Variants in OXR1 observed in about 807,000 individuals in gnomAD.
OXR1 encodes the protein oxidation resistance 1, also known as oxidation resistance protein 1.
OXR1 carries 41 observed loss-of-function variants against 104.6 expected under a neutral mutation model. The observed-to-expected ratio is 0.39, with a 90% CI of 0.31 to 0.51. The LOEUF is 0.51. Among genes scored for constraint, OXR1 ranks in the 20% least tolerant of loss-of-function variants. The pLI is 0.77. For missense variants in OXR1, 955 were observed against 1,031.9 expected (o/e 0.93, Z 1.02); for synonymous variants, 348 against 348.4 (o/e 1.00, Z 0.01).
intron 3 of OXR1, among the ~76,000 whole-genome samples, chr8:106,542,143 T>C (rs1389538847): frequency 6.6e-6 from 1 of 152,132 alleles, no homozygotes; most frequent in Non-Finnish European, 1.5e-5. Flanking sequence ...CACAATTATT[T>C]CACAATTTTA....
At chr8:106,356,043 G>A (rs1815954482) in intron 1 of OXR1, among the ~76,000 whole-genome samples, 1 of 152,170 alleles carries the variant, frequency 6.6e-6, no homozygotes, top group Admixed American at 6.5e-5. Context: ...GTGCTGGATT[G>A]AGCTTGCAGA....
chr8:106,546,331 G>T (rs1815357096), intron 3 of OXR1, among the ~76,000 whole-genome samples: 1 of 152,168 alleles, frequency 6.6e-6, no homozygotes, highest in African/African-American at 2.4e-5. Context: ...GGAGACTTCT[G>T]TCATTGCATT....
At chr8:106,596,867 G>C (rs1819566429) in intron 3 of OXR1, among the ~76,000 whole-genome samples, 1 of 151,888 alleles carries the variant, frequency 6.6e-6, no homozygotes, top group South Asian at 2.1e-4. Flanking sequence ...ATTGTGGCCA[G>C]CATGGTGAAA....
At chr8:106,532,510 A>C (rs546961295) in intron 3 of OXR1, among the ~76,000 whole-genome samples, 1 of 152,322 alleles carries the variant, frequency 6.6e-6, no homozygotes, top group Non-Finnish European at 1.5e-5. Flanking sequence ...AATTGCTTAA[A>C]TGATCCTGGC....
intron 11 of OXR1, among the ~76,000 whole-genome samples, chr8:106,732,949 T>C (rs991837470): frequency 6.6e-6 from 1 of 152,222 alleles, no homozygotes; most frequent in Non-Finnish European, 1.5e-5. Context: ...GTGGAGAGTT[T>C]GTATAATTTC....
intron 11 of OXR1, among the ~76,000 whole-genome samples, chr8:106,718,885 G>T (rs896161372): frequency 6.6e-6 from 1 of 151,002 alleles, no homozygotes; most frequent in African/African-American, 2.4e-5. Flanking sequence ...CGTCAACATG[G>T]CTGCTATTGA....
At chr8:106,712,717 C>T (rs559717591) in intron 10 of OXR1, among the ~76,000 whole-genome samples, 1 of 152,058 alleles carries the variant, frequency 6.6e-6, no homozygotes, top group South Asian at 2.1e-4. Flanking sequence ...GTGTCTTCCA[C>T]AACATTGGCT....
chr8:106,578,915 A>C (rs1818037241), intron 3 of OXR1, among the ~76,000 whole-genome samples: 1 of 150,672 alleles, frequency 6.6e-6, no homozygotes, highest in African/African-American at 2.5e-5. Flanking sequence ...CCCTGTTCCC[A>C]GCCTGTTCCA....
At chr8:106,717,250 A>G (rs560516696) in intron 11 of OXR1, among the ~76,000 whole-genome samples, 1 of 152,324 alleles carries the variant, frequency 6.6e-6, no homozygotes, top group South Asian at 2.1e-4. Context: ...TAAGTGAAAG[A>G]GTAATTTTAA....
intron 3 of OXR1, among the ~76,000 whole-genome samples, chr8:106,619,810 G>A (rs544729888): frequency 4.6e-5 from 7 of 152,048 alleles, no homozygotes; most frequent in Admixed American, 3.3e-4. Context: ...GAGATTTGGC[G>A]TGAGCAGGAT....
At chr8:106,636,966 C>G (rs1017924664) in intron 3 of OXR1, among the ~76,000 whole-genome samples, 1 of 152,180 alleles carries the variant, frequency 6.6e-6, no homozygotes, top group Non-Finnish European at 1.5e-5. Flanking sequence ...TCTCTCTGTT[C>G]CATCCACAAG....
rs545047084 is a variant in OXR1 at position 106,570,143 on chromosome 8, G to A, written c.220+51004G>A. Among the ~76,000 whole-genome samples, 6 of 152,294 alleles carry A rather than the reference G, an allele frequency of 3.9e-5. No homozygotes were observed. The South Asian group carries it at 1.0e-3, about 26-fold the overall frequency. On this transcript the variant is annotated intron_variant, in intron 3 of 16. Coordinates refer to ENST00000517566, the MANE Select transcript of OXR1 (RefSeq NM_001198533.2). ...TGAACAATAAATCTGATAATATCCA[G>A]TAGTGCTTCCTTATGTTCTCTGACT...
In OXR1 at chr8:106,617,635, CA is replaced by C. The variant is rs1586906161; in HGVS notation, c.221-61571del. 2.6e-5 allele frequency among the ~76,000 whole-genome samples: 4 copies of C among 152,198 alleles called. 1 individual carries two copies. Among genetic ancestry groups the C allele is most frequent in the African/African-American group, 2.4e-5 (1 of 41,534 alleles). ...ATTGGAAGTTCTGGATGCAAAACAT[CA>C]AAATTATGTTCTGACAATGGCTAGC... On this transcript the variant is annotated intron_variant, in intron 3 of 16. Coordinates refer to ENST00000517566, the MANE Select transcript of OXR1 (RefSeq NM_001198533.2).
At chr8:106,444,504 G>T (rs1301973411) in intron 2 of OXR1, among the ~76,000 whole-genome samples, 1 of 152,150 alleles carries the variant, frequency 6.6e-6, no homozygotes, top group Non-Finnish European at 1.5e-5. Flanking sequence ...ATACTATGCA[G>T]CCATGAAAAG....
At chr8:106,366,946 T>G (rs530262488) in intron 2 of OXR1, among the ~76,000 whole-genome samples, 1 of 152,322 alleles carries the variant, frequency 6.6e-6, no homozygotes, top group Admixed American at 6.5e-5. Context: ...TTTTATTTGT[T>G]TTTAAAATTT....
At position 106,684,341 on chromosome 8, in the gene OXR1, T is replaced by C. The variant is rs765362819; in HGVS notation, c.507T>C (p.Ala169=). 90 of 1,579,052 alleles carry C rather than the reference T, an allele frequency of 5.7e-5. No homozygotes were observed. The highest frequency in any genetic ancestry group is 7.8e-5 in the Non-Finnish European group (89 of 1,148,296). The change falls in exon 6 of 17, where the codon GCT becomes GCC. Residue 169 remains alanine (A), a synonymous_variant. Transcript: ENST00000517566. ...CTCTGTCACCAACATCATCTGAGGC[T>C]GAATTTGATAAGACCACTGTAAGTA... is the stretch of plus-strand genomic sequence containing the variant. ...VSPLSPTSSE[A]EFDKTTNPDV... is the part of the protein sequence containing the mutation.
chr8:106,621,498 A>T (rs1004074346), intron 3 of OXR1, among the ~76,000 whole-genome samples: 1 of 151,724 alleles, frequency 6.6e-6, no homozygotes, highest in South Asian at 2.1e-4. Context: ...TCACAGTTTC[A>T]AAAACATTCA....
At chr8:106,528,672 A>C (rs964484681) in intron 3 of OXR1, among the ~76,000 whole-genome samples, 1 of 152,242 alleles carries the variant, frequency 6.6e-6, no homozygotes, top group Non-Finnish European at 1.5e-5. Context: ...TTAATAAAAA[A>C]GATAACCCTA....
intron 2 of OXR1, among the ~76,000 whole-genome samples, chr8:106,508,437 T>A (rs577610381): frequency 9.0e-5 from 11 of 122,480 alleles, no homozygotes; most frequent in Admixed American, 7.2e-4. Flanking sequence ...CACTATCATC[T>A]AAGCAGAAGA....
Sources: allele counts gnomAD v4.1 joint callset (sites outside exome capture counted in the v4.1 genomes callset), GRCh38; gene constraint gnomAD v4.1.1; transcripts MANE v1.5; gene names NCBI Gene and HGNC (gene_info 2026-07-23, HGNC 2026-07-21).